TATDN2: variants seen among roughly 807,000 people sequenced by gnomAD.
The protein encoded by TATDN2 is TatD DNase domain containing 2, also known as 3'-5' RNA nuclease TATDN2.
Under a neutral mutation model 60.3 loss-of-function variants are expected in TATDN2, and 44 were observed. That is an observed-to-expected ratio of 0.73 (90% CI 0.57 to 0.94). The LOEUF (loss-of-function observed/expected upper bound fraction) is 0.94. Ranked by LOEUF, TATDN2 falls within the 40% of genes least tolerant of loss-of-function variation. The pLI is 0.00. For synonymous variants in TATDN2, 399 were observed against 355.8 expected, an observed-to-expected ratio of 1.12 and a Z score of -1.37; for missense variants, 997 against 948.0, an observed-to-expected ratio of 1.05 and a Z score of -0.68.
chr3:10,251,512 A>G (rs1698231953), intron 2 of TATDN2, among the ~76,000 whole-genome samples: 1 of 151,860 alleles, frequency 6.6e-6, no homozygotes, highest in Non-Finnish European at 1.5e-5. Context: ...CAGCCTCCCA[A>G]GTAGCTAGGA....
At chr3:10,272,066 G>C (rs942048731) in intron 4 of TATDN2, among the ~76,000 whole-genome samples, 1 of 152,046 alleles carries the variant, frequency 6.6e-6, no homozygotes, top group Non-Finnish European at 1.5e-5. Context: ...TATTTTTTGA[G>C]CATAGTGCTT....
intron 5 of TATDN2, among the ~76,000 whole-genome samples, chr3:10,277,312 C>A (rs1360315273): frequency 6.6e-6 from 1 of 152,148 alleles, no homozygotes; most frequent in Admixed American, 6.5e-5. Flanking sequence ...ACGTGTAGGT[C>A]CTGGGCTTTG....
chr3:10,265,703 A>G (rs1162727145), intron 3 of TATDN2, among the ~76,000 whole-genome samples: 2 of 149,622 alleles, frequency 1.3e-5, no homozygotes, highest in Admixed American at 1.3e-4. Context: ...AAAAAAAAAA[A>G]AAGTTTTTGT....
At position 10,260,529 on chromosome 3, in the gene TATDN2, C is replaced by T; in HGVS notation, c.807C>T (p.Ser269=). 1.2e-6 allele frequency: 2 copies of T among 1,614,150 alleles called. No individual in the cohort carries two copies. Among genetic ancestry groups the T allele is most frequent in the African/African-American group, 1.3e-5 (1 of 75,032 alleles). The change falls in exon 3 of 8, where the codon AGC becomes AGT. Residue 269 remains serine (S), a synonymous_variant. Transcript: ENST00000448281. ...ATAAGACAGTGCCAGAGAGGAGCAG[C>T]TTCTATGACAGGAGAGTAGTTATAG... ...EEDKTVPERS[S]FYDRRVVIDP...
At chr3:10,255,368 G>A (rs1437436904) in intron 2 of TATDN2, among the ~76,000 whole-genome samples, 3 of 152,098 alleles carry the variant, frequency 2.0e-5, no homozygotes, top group Non-Finnish European at 4.4e-5. Flanking sequence ...CTTCCAGGAT[G>A]TTAGGGAGAA....
At chr3:10,257,302 A>ATATATATATATATATATATATATG (rs1184346665) in intron 2 of TATDN2, among the ~76,000 whole-genome samples, 13 of 147,768 alleles carry the variant, frequency 8.8e-5, no homozygotes, top group Non-Finnish European at 1.6e-4. Context: ...AATTATATAT[A>ATATATATATATATATATATATATG]TATATATATA....
chr3:10,267,585 ATTTG>A (rs1698497444), intron 3 of TATDN2, among the ~76,000 whole-genome samples: 1 of 152,146 alleles, frequency 6.6e-6, no homozygotes, highest in African/African-American at 2.4e-5. Context: ...GTTGTAATTT[ATTTG>A]TTGTAAAAAA....
In TATDN2 at chr3:10,265,107, C is replaced by A. The variant is rs188701511; in HGVS notation, c.948+4437C>A. 2.1e-4 allele frequency among the ~76,000 whole-genome samples: 26 copies of A among 125,146 alleles called. No individual in the cohort carries two copies. In the East Asian group the frequency reaches 7.0e-3, roughly 34 times the overall value. The allele number at this position is 125,146 out of a possible 152,430, so 82.1% of individuals were successfully genotyped here. A position where few individuals can be genotyped will look rare whatever the true frequency, so the allele number is the denominator to read the frequency against. Reference sequence around the variant, plus strand: ...TTTTTGTCTTTTTGAGACAGAGTCTCACTCTGTGGCCCAGGCTGAAATACA... The same window carrying A: ...TTTTTGTCTTTTTGAGACAGAGTCTAACTCTGTGGCCCAGGCTGAAATACA... On this transcript the variant is annotated intron_variant, in intron 3 of 7. Transcript: ENST00000448281.
At chr3:10,264,680 C>A (rs1163352656) in intron 3 of TATDN2, among the ~76,000 whole-genome samples, 1 of 149,968 alleles carries the variant, frequency 6.7e-6, no homozygotes, top group African/African-American at 2.4e-5. Context: ...TCAACTTTAT[C>A]TTCTTTTTTT....
intron 4 of TATDN2, 146 bp from the exon 5 acceptor site, chr3:10,276,215 A>T (rs1447712884): frequency 9.1e-7 from 1 of 1,096,956 alleles, no homozygotes; most frequent in Non-Finnish European, 1.3e-6. Flanking sequence ...CTCTATTGTA[A>T]GTGACCAATA....
chr3:10,274,528 C>T (rs1441731679), intron 4 of TATDN2, among the ~76,000 whole-genome samples: 1 of 152,144 alleles, frequency 6.6e-6, no homozygotes. Context: ...TTTCACTACT[C>T]TGAGGGATAA....
At chr3:10,263,846 G>A (rs1475823977) in intron 3 of TATDN2, among the ~76,000 whole-genome samples, 2 of 152,188 alleles carry the variant, frequency 1.3e-5, no homozygotes, top group Non-Finnish European at 2.9e-5. Flanking sequence ...AAGACTTTGA[G>A]CTTTGCTTTG....
chr3:10,258,109 G>T (rs1698343325), intron 2 of TATDN2, among the ~76,000 whole-genome samples: 1 of 151,490 alleles, frequency 6.6e-6, no homozygotes, highest in African/African-American at 2.4e-5. Flanking sequence ...CTCCCAAAGT[G>T]CTGGGATTAC....
At chr3:10,277,188 C>G (rs1047844235) in intron 5 of TATDN2, among the ~76,000 whole-genome samples, 1 of 152,174 alleles carries the variant, frequency 6.6e-6, no homozygotes, top group African/African-American at 2.4e-5. Flanking sequence ...CTCTTTTGAA[C>G]TTGAAAGCTC....
intron 2 of TATDN2, among the ~76,000 whole-genome samples, chr3:10,257,871 T>TC (rs1698337410): frequency 1.2e-5 from 1 of 86,660 alleles, no homozygotes; most frequent in Non-Finnish European, 2.0e-5. Context: ...TTTTTTTTTT[T>TC]TTTTTGGGAG....
At chr3:10,252,667 C>T (rs1053406102) in intron 2 of TATDN2, among the ~76,000 whole-genome samples, 1 of 151,542 alleles carries the variant, frequency 6.6e-6, no homozygotes, top group African/African-American at 2.4e-5. Flanking sequence ...AGTCCTCTCA[C>T]TGCTCTCCTG....
intron 3 of TATDN2, among the ~76,000 whole-genome samples, chr3:10,260,985 A>T (rs1446353830): frequency 6.6e-6 from 1 of 152,150 alleles, no homozygotes; most frequent in Admixed American, 6.5e-5. Context: ...TGGCTCCATC[A>T]TGTCAGAGAT....
chr3:10,253,605 A>G (rs1301891074), intron 2 of TATDN2, among the ~76,000 whole-genome samples: 1 of 152,246 alleles, frequency 6.6e-6, no homozygotes, highest in Non-Finnish European at 1.5e-5. Flanking sequence ...AAATGTCTAC[A>G]TTCAATTTAG....
rs145189186 is a variant in TATDN2 at position 10,276,895 on chromosome 3, A to G, written c.1961+407A>G. Among the ~76,000 whole-genome samples, 507 of 151,474 alleles carry G rather than the reference A, an allele frequency of 3.3e-3. 4 individuals carry two copies. Among genetic ancestry groups the G allele is most frequent in the African/African-American group, 0.012 (483 of 41,318 alleles). On this transcript the variant is annotated intron_variant, in intron 5 of 7. Transcript: ENST00000448281. ...AGCCACCGTGCCCGGCCTATACACT[A>G]TCTTTTCTAAAGAATTAACTATTAG...
Sources: gnomAD v4.1 joint callset for allele counts (sites outside exome capture counted in the v4.1 genomes callset) on GRCh38, gnomAD v4.1.1 for gene constraint, MANE v1.5 for transcripts, NCBI Gene and HGNC (gene_info 2026-07-23, HGNC 2026-07-21) for gene names.